The following MBTD1 variants were observed in gnomAD, a reference collection of about 807,000 sequenced individuals.
MBTD1 encodes MBT domain-containing protein 1.
MBTD1 carries 24 observed loss-of-function variants against 87.8 expected under a neutral mutation model. That is an observed-to-expected ratio of 0.27 (90% confidence interval 0.20 to 0.38). The LOEUF is 0.38. Ranked by LOEUF, MBTD1 falls within the 10% of genes least tolerant of loss-of-function variation. The probability of loss-of-function intolerance (pLI) is 1.00; values close to 1 mark genes in which losing one functional copy is unlikely to be tolerated. For synonymous variants in MBTD1, 237 were observed against 248.6 expected (o/e 0.95, Z 0.44); for missense variants, 436 against 760.2 (o/e 0.57, Z 5.02).
chr17:51,212,980 G>A (rs771895750), intron 6 of MBTD1, among the ~76,000 whole-genome samples: 1 of 152,020 alleles, frequency 6.6e-6, no homozygotes. Context: ...CGCCTGCCTC[G>A]GCCTCCCAAA....
At chr17:51,219,771 T>A (rs1056342696) in intron 4 of MBTD1, among the ~76,000 whole-genome samples, 1 of 152,210 alleles carries the variant, frequency 6.6e-6, no homozygotes, top group Admixed American at 6.5e-5. Context: ...TAGTAAGAAC[T>A]TAGTCAAATG....
chr17:51,253,430 A>C (rs1362496690), intron 2 of MBTD1, among the ~76,000 whole-genome samples: 1 of 152,202 alleles, frequency 6.6e-6, no homozygotes, highest in Non-Finnish European at 1.5e-5. Flanking sequence ...TACAATCAGC[A>C]GGGGAATCAT....
chr17:51,185,221 CAAGTCTAA>C (rs1375078954), intron 16 of MBTD1: 1 of 152,162 alleles, frequency 6.6e-6, no homozygotes, highest in Non-Finnish European at 1.5e-5. Flanking sequence ...TTACAGAAAA[CAAGTCTAA>C]AAGCAATAGT....
At chr17:51,199,669 T>A (rs1373062269) in intron 12 of MBTD1, among the ~76,000 whole-genome samples, 5 of 152,146 alleles carry the variant, frequency 3.3e-5, no homozygotes, top group African/African-American at 9.6e-5. Context: ...CTCGAACTCC[T>A]GACCTTGTGA....
At chr17:51,235,394 T>C (rs557289464) in intron 2 of MBTD1, among the ~76,000 whole-genome samples, 1 of 152,262 alleles carries the variant, frequency 6.6e-6, no homozygotes, top group East Asian at 1.9e-4. Context: ...CACCTCAGCC[T>C]CCCAAAGTGC....
chr17:51,255,263 A>T (rs1327251424), intron 2 of MBTD1, among the ~76,000 whole-genome samples: 3 of 152,106 alleles, frequency 2.0e-5, no homozygotes, highest in African/African-American at 7.2e-5. Context: ...CCTGGGCAAC[A>T]GAGCAAGACT....
upstream of MBTD1, chr17:51,260,518 C>A: frequency 1.3e-6 from 2 of 1,487,962 alleles, no homozygotes; most frequent in Middle Eastern, 2.2e-4. Flanking sequence ...CGGCGGCCCG[C>A]GAGGGGCCTG....
At chr17:51,218,571 T>C (rs1285923482) in intron 5 of MBTD1, among the ~76,000 whole-genome samples, 1 of 149,944 alleles carries the variant, frequency 6.7e-6, no homozygotes, top group Non-Finnish European at 1.5e-5. Context: ...TTGGAAATGG[T>C]CCTTTCCTTA....
At chr17:51,222,636 A>C (rs1351736266) in intron 3 of MBTD1, among the ~76,000 whole-genome samples, 1 of 151,470 alleles carries the variant, frequency 6.6e-6, no homozygotes, top group African/African-American at 2.4e-5. Context: ...GAGCTTAGGC[A>C]ATCTGCCCGC....
At chr17:51,215,229 G>T (rs377740187) in intron 6 of MBTD1, among the ~76,000 whole-genome samples, 1 of 152,172 alleles carries the variant, frequency 6.6e-6, no homozygotes, top group Non-Finnish European at 1.5e-5. Context: ...ATGTGGTAAG[G>T]TTAGCTGCTT....
chr17:51,189,487 T>C (rs2050699101), intron 16 of MBTD1, among the ~76,000 whole-genome samples: 1 of 152,220 alleles, frequency 6.6e-6, no homozygotes, highest in South Asian at 2.1e-4. Context: ...GGTGCTAATA[T>C]TTCTTCATTA....
chr17:51,192,005 A>C (rs7222463), intron 16 of MBTD1, 198 bp downstream of exon 16: 269,369 of 577,752 alleles, frequency 0.47, 63,952 homozygotes, highest in African/African-American at 0.54. Context: ...CTGTGGTAAT[A>C]ATTTCTCCTG....
Position 51,251,951 on chromosome 17 carries a change from G to A in MBTD1, c.-49+7192C>T, listed in dbSNP as rs181161978. Among the ~76,000 whole-genome samples the A allele has an allele frequency of 3.9e-4, 59 of 152,246 alleles. 1 individual carries two copies. The highest frequency in any genetic ancestry group is 3.1e-3 in the Admixed American group (47 of 15,296). Reference sequence around the variant, plus strand: ...GGGTAATTTTTGTATTTTTGGTAGAGACAGGGTTTCGCCATGTTGGCCAGG... The same window carrying A: ...GGGTAATTTTTGTATTTTTGGTAGAAACAGGGTTTCGCCATGTTGGCCAGG... On this transcript the variant is annotated intron_variant, in intron 2 of 16. Transcript: ENST00000586178.
At chr17:51,252,611 T>C (rs2054854834) in intron 2 of MBTD1, among the ~76,000 whole-genome samples, 1 of 151,868 alleles carries the variant, frequency 6.6e-6, no homozygotes, top group South Asian at 2.1e-4. Flanking sequence ...TGGTGGCACC[T>C]GTAGTCCAGC....
chr17:51,179,518 A>ATATT lies in MBTD1; in HGVS notation c.*1057_*1058insAATA, dbSNP rs1568136377. 3.0e-5 allele frequency: 3 copies of ATATT among 100,624 alleles called. No individual in the cohort carries two copies. The highest frequency in any genetic ancestry group is 6.5e-5 in the Non-Finnish European group (3 of 46,256). The allele number at this position is 100,624 out of a possible 1,614,324, so 6.2% of individuals were successfully genotyped here. On this transcript the variant is annotated 3_prime_UTR_variant, in exon 17 of 17. Coordinates refer to ENST00000586178, the MANE Select transcript of MBTD1 (RefSeq NM_017643.3). The stretch of plus-strand genomic sequence containing the variant: ...TATATATATATATATATATATATAT[A>ATATT]TATATATATATATATATATGGAATT...
In MBTD1 at chr17:51,179,506, A is replaced by T. The variant is rs867613198; in HGVS notation, c.*1070T>A. 309 of 82,168 alleles carry T rather than the reference A, an allele frequency of 3.8e-3. 13 individuals carry two copies. The highest frequency in any genetic ancestry group is 0.011 in the Middle Eastern group (2 of 178). The allele number at this position is 82,168 out of a possible 1,614,324, so 5.1% of individuals were successfully genotyped here. A position where few individuals can be genotyped will look rare whatever the true frequency, so the allele number is the denominator to read the frequency against. ...ATTTTATATATATATATATATATAT[A>T]TATATATATATATATATATATATAT... On this transcript the variant is annotated 3_prime_UTR_variant, in exon 17 of 17. Transcript: ENST00000586178.
At chr17:51,260,212 T>C (rs1432220573), upstream of MBTD1, 1 of 407,820 alleles carries the variant, frequency 2.5e-6, no homozygotes, top group Non-Finnish European at 4.4e-6. Flanking sequence ...TTGGGGCTTG[T>C]GTCAAGTCAA....
At position 51,196,549 on chromosome 17, in the gene MBTD1, T is replaced by G. The variant is rs959220843; in HGVS notation, c.1225-1188A>C. Among the ~76,000 whole-genome samples the G allele has an allele frequency of 4.6e-5, 7 of 152,190 alleles. 1 individual carries two copies. In the South Asian group the frequency reaches 1.5e-3, roughly 32 times the overall value. ...GCCCTATTACCACTGGAATTTTGCTTTCAAAAGACCATCTCTTATACTCTA... is the reference window on the plus strand; with the variant it reads ...GCCCTATTACCACTGGAATTTTGCTGTCAAAAGACCATCTCTTATACTCTA... On this transcript the variant is annotated intron_variant, in intron 12 of 16. Transcript: ENST00000586178.
chr17:51,215,105 G>A (rs2052490138), intron 6 of MBTD1, among the ~76,000 whole-genome samples: 1 of 152,192 alleles, frequency 6.6e-6, no homozygotes, highest in East Asian at 1.9e-4. Flanking sequence ...TGTTTGATAA[G>A]AAGGCAGTAA....
Sources: allele counts gnomAD v4.1 joint callset (sites outside exome capture counted in the v4.1 genomes callset), GRCh38; gene constraint gnomAD v4.1.1; transcripts MANE v1.5; gene names NCBI Gene and HGNC (gene_info 2026-07-23, HGNC 2026-07-21).